The following FXN variants were observed in gnomAD, a reference collection of about 807,000 sequenced individuals.
FXN encodes the protein frataxin, mitochondrial.
In FXN, 14 loss-of-function variants were observed where a neutral mutation model predicts 22.4. The observed-to-expected ratio is 0.62, with a 90% CI of 0.41 to 0.98. FXN has a LOEUF of 0.98. Among genes scored for constraint, FXN ranks in the 50% least tolerant of loss-of-function variants. The pLI, the probability that FXN is intolerant of heterozygous loss-of-function variation, is 0.00. For synonymous variants in FXN, 120 were observed against 114.1 expected (o/e 1.05, Z -0.33); for missense variants, 267 against 268.4 (o/e 0.99, Z 0.04).
At position 69,073,270 on chromosome 9, in the gene FXN, T is replaced by C. The variant is rs1375766869; in HGVS notation, c.*508T>C. 25 of 1,012,282 alleles carry C rather than the reference T, an allele frequency of 2.5e-5. No individual in the cohort carries two copies. The highest frequency in any genetic ancestry group is 3.0e-5 in the Non-Finnish European group (25 of 845,936). 62.7% of individuals were successfully genotyped at this position (1,012,282 alleles called of 1,614,324 possible). A position where few individuals can be genotyped will look rare whatever the true frequency, so the allele number is the denominator to read the frequency against. ...GTAAGCACTTCTGAGCTCTTTAGCATTGAAGTGTCGAAAGCAACTCACACG... is the reference window on the plus strand; with the variant it reads ...GTAAGCACTTCTGAGCTCTTTAGCACTGAAGTGTCGAAAGCAACTCACACG... On this transcript the variant is annotated 3_prime_UTR_variant, in exon 5 of 5. Coordinates refer to ENST00000484259, the MANE Select transcript of FXN (RefSeq NM_000144.5).
Position 69,074,737 on chromosome 9 carries a change from A to G in FXN, c.*1975A>G. On this transcript the variant is annotated 3_prime_UTR_variant, in exon 5 of 5. Transcript: ENST00000484259. ...CAACACAGCAAGATCCTATCTCTTA[A>G]AAAAAGAAAAAAAAACCTATTAATA... 1 of 866,946 alleles carries G rather than the reference A, an allele frequency of 1.2e-6. No individual in the cohort carries two copies. Among genetic ancestry groups the G allele is most frequent in the Non-Finnish European group, 1.4e-6 (1 of 738,602 alleles). The allele number at this position is 866,946 out of a possible 1,614,324, so 53.7% of individuals were successfully genotyped here.
intron 4 of FXN, among the ~76,000 whole-genome samples, chr9:69,069,616 G>A (rs1832236640): frequency 6.6e-6 from 1 of 152,226 alleles, no homozygotes; most frequent in South Asian, 2.1e-4. Context: ...CCCGCTTCCT[G>A]GCTACAAGTC....
Position 69,075,236 on chromosome 9 carries a change from T to C in FXN, c.*2474T>C, listed in dbSNP as rs1464124175. The C allele has an allele frequency of 5.7e-6, 4 of 696,364 alleles. No individual in the cohort carries two copies. The African/African-American group carries it at 5.9e-5, about 10-fold the overall frequency. 43.1% of individuals were successfully genotyped at this position (696,364 alleles called of 1,614,324 possible). On this transcript the variant is annotated 3_prime_UTR_variant, in exon 5 of 5. Coordinates refer to ENST00000484259, the MANE Select transcript of FXN (RefSeq NM_000144.5). ...ACTTTGGGAGGCTGAGGCAAGTGTATCACCTGAGGTCAGGAGTTCAAGACC... is the reference window on the plus strand; with the variant it reads ...ACTTTGGGAGGCTGAGGCAAGTGTACCACCTGAGGTCAGGAGTTCAAGACC...
chr9:69,049,796 C>T (rs1587819804), intron 2 of FXN, among the ~76,000 whole-genome samples: 2 of 152,070 alleles, frequency 1.3e-5, no homozygotes, highest in East Asian at 3.8e-4. Flanking sequence ...GCAATCACTC[C>T]CCCATTCCGC....
chr9:69,036,027 C>T (rs1401907914), intron 1 of FXN, 80 bp downstream of exon 1: 1 of 1,185,324 alleles, frequency 8.4e-7, no homozygotes, highest in Non-Finnish European at 1.1e-6. Context: ...AGGCGCCGCG[C>T]ACGCCGGGGT....
intron 1 of FXN, among the ~76,000 whole-genome samples, chr9:69,045,829 A>T (rs1047737340): frequency 5.4e-5 from 8 of 149,136 alleles, no homozygotes; most frequent in Non-Finnish European, 1.0e-4. Context: ...TAAGGGGGGA[A>T]GTGTGCAAGG....
intron 4 of FXN, among the ~76,000 whole-genome samples, chr9:69,067,986 T>C (rs927297793): frequency 1.3e-5 from 2 of 152,212 alleles, no homozygotes; most frequent in Non-Finnish European, 2.9e-5. Context: ...TGGGCATTGA[T>C]GAGCTACTGG....
rs532796689 is a variant in FXN, at chr9:69,054,329, CATT to C, written c.384+1071_384+1073del. Among the ~76,000 whole-genome samples the C allele has an allele frequency of 4.7e-3, 713 of 152,268 alleles. 2 individuals carry two copies. The highest frequency in any genetic ancestry group is 5.0e-3 in the Non-Finnish European group (341 of 68,032). ...GTGAGAACTTCTGAGTTGGATGAAA[CATT>C]AGCCCCAGATCCTAGAAGCCAGGGA... is the stretch of plus-strand genomic sequence containing the variant. On this transcript the variant is annotated intron_variant, in intron 3 of 4. Transcript: ENST00000484259.
chr9:69,059,510 T>C (rs1788827381), intron 3 of FXN, among the ~76,000 whole-genome samples: 1 of 149,386 alleles, frequency 6.7e-6, no homozygotes, highest in Non-Finnish European at 1.5e-5. Flanking sequence ...AGGGATTCTC[T>C]TGCCTCAGTC....
At chr9:69,044,875 G>C (rs1476622592) in intron 1 of FXN, among the ~76,000 whole-genome samples, 1 of 152,244 alleles carries the variant, frequency 6.6e-6, no homozygotes, top group Non-Finnish European at 1.5e-5. Context: ...TGCAGATCAT[G>C]ATAATAAGAT....
chr9:69,073,319 T>C lies in FXN; in HGVS notation c.*557T>C. ...CGGGAAGATCATTTCTTATTTGTGCTCTGTGACTGCCAAGGTGTGGCCTGC... is the reference window on the plus strand; with the variant it reads ...CGGGAAGATCATTTCTTATTTGTGCCCTGTGACTGCCAAGGTGTGGCCTGC... On this transcript the variant is annotated 3_prime_UTR_variant, in exon 5 of 5. Coordinates refer to ENST00000484259, the MANE Select transcript of FXN (RefSeq NM_000144.5). The C allele has an allele frequency of 1.0e-6, 1 of 997,352 alleles. No homozygotes were observed. Among genetic ancestry groups the C allele is most frequent in the Non-Finnish European group, 1.2e-6 (1 of 836,726 alleles). The allele number at this position is 997,352 out of a possible 1,614,324, so 61.8% of individuals were successfully genotyped here.
intron 4 of FXN, among the ~76,000 whole-genome samples, chr9:69,067,269 G>A (rs976961633): frequency 6.6e-6 from 1 of 152,264 alleles, no homozygotes. Context: ...GGTTCCGGGG[G>A]AGCAGGACCC....
chr9:69,072,894 A>G lies in FXN; in HGVS notation c.*132A>G, dbSNP rs1231680665. The stretch of plus-strand genomic sequence containing the variant: ...TCCTGCTTTTGAGGACAGTTGGGCT[A>G]TGTGTCACAGCTCTGTAGAAAGAAT... On this transcript the variant is annotated 3_prime_UTR_variant, in exon 5 of 5. Transcript: ENST00000484259. 1.3e-6 allele frequency: 2 copies of G among 1,551,414 alleles called. No individual in the cohort carries two copies. The highest frequency in any genetic ancestry group is 1.7e-6 in the Non-Finnish European group (2 of 1,154,590).
chr9:69,066,084 T>C (rs1832160501), intron 4 of FXN, among the ~76,000 whole-genome samples: 1 of 152,168 alleles, frequency 6.6e-6, no homozygotes, highest in Non-Finnish European at 1.5e-5. Flanking sequence ...GGGAGAGACA[T>C]CCCTCATCCC....
intron 4 of FXN, among the ~76,000 whole-genome samples, chr9:69,068,989 A>G (rs1170222249): frequency 6.6e-6 from 1 of 152,238 alleles, no homozygotes; most frequent in Non-Finnish European, 1.5e-5. Context: ...ACTGCAGACT[A>G]TCTGAATGAC....
At chr9:69,068,630 C>T (rs1392653605) in intron 4 of FXN, among the ~76,000 whole-genome samples, 1 of 152,200 alleles carries the variant, frequency 6.6e-6, no homozygotes, top group South Asian at 2.1e-4. Flanking sequence ...CTATAAATAC[C>T]CTGGGTGACC....
chr9:69,052,413 G>A (rs978143376), intron 2 of FXN, among the ~76,000 whole-genome samples: 26 of 151,834 alleles, frequency 1.7e-4, no homozygotes, highest in Non-Finnish European at 3.4e-4. Context: ...CTCGGCCTCC[G>A]AAAGTCCTGG....
At chr9:69,051,391 C>A (rs918430318) in intron 2 of FXN, among the ~76,000 whole-genome samples, 3 of 151,942 alleles carry the variant, frequency 2.0e-5, no homozygotes, top group African/African-American at 7.2e-5. Context: ...CCATGGCCAG[C>A]TCTTGATACG....
rs1017430775 is a variant in FXN at position 69,046,489 on chromosome 9, T to C, written c.263+7T>C. On this transcript the variant is annotated splice_region_variant and intron_variant, in intron 2 of 4. Transcript: ENST00000484259. ...GAACTTTGGGCCACCCAGGGTAAGA[T>C]AAAACACCTTCCACGTCATAGGTAT... 5.0e-6 allele frequency: 8 copies of C among 1,588,256 alleles called. No individual in the cohort carries two copies. Among genetic ancestry groups the C allele is most frequent in the Admixed American group, 3.3e-5 (2 of 59,894 alleles).
Sources: allele counts gnomAD v4.1 joint callset (sites outside exome capture counted in the v4.1 genomes callset), GRCh38; gene constraint gnomAD v4.1.1; transcripts MANE v1.5; gene names NCBI Gene and HGNC (gene_info 2026-07-23, HGNC 2026-07-21).